USP2: variants seen among roughly 807,000 people sequenced by gnomAD.
USP2 encodes ubiquitin specific peptidase 2.
In USP2, 33 loss-of-function variants were observed where a neutral mutation model predicts 72.0. The observed-to-expected ratio is 0.46, with a 90% CI of 0.35 to 0.61. The LOEUF (loss-of-function observed/expected upper bound fraction) is 0.61. Among genes scored for constraint, USP2 ranks in the 20% least tolerant of loss-of-function variants. USP2 has a pLI of 0.01. For synonymous variants in USP2, 296 were observed against 312.5 expected, an observed-to-expected ratio of 0.95 and a Z score of 0.56; for missense variants, 691 against 797.8, an observed-to-expected ratio of 0.87 and a Z score of 1.61.
intron 1 of USP2, chr11:119,376,155 T>C: frequency 1.0e-6 from 1 of 985,096 alleles, no homozygotes; most frequent in Non-Finnish European, 1.2e-6. Context: ...CAACCCCCAG[T>C]TTCACTCTCA....
chr11:119,360,317 G>C, intron 2 of USP2, 83 bp from the exon 3 acceptor site: 1 of 1,427,302 alleles, frequency 7.0e-7, no homozygotes, highest in Non-Finnish European at 9.8e-7. Flanking sequence ...TTTCTAACCA[G>C]CTGGAGCCAC....
rs764137919 is a variant in USP2 at position 119,358,797 on chromosome 11, C to G, written c.1213G>C (p.Glu405Gln). 6.2e-7 allele frequency: 1 copy of G among 1,614,104 alleles called. No individual in the cohort carries two copies. Among genetic ancestry groups the G allele is most frequent in the African/African-American group, 1.3e-5 (1 of 75,050 alleles). ...KGRQMWRKYL[E>Q]REDSRIGDLF... is the part of the protein sequence containing the mutation. Reference sequence around the variant, plus strand: ...CCCCCGATCCTACTGTCTTCCCGTTCTAGATATTTTCTCCACATCTGTCGG... The same window carrying G: ...CCCCCGATCCTACTGTCTTCCCGTTGTAGATATTTTCTCCACATCTGTCGG... Residue 405 changes from glutamate (E) to glutamine (Q), a missense_variant, in exon 7 of 13, where the codon GAA becomes CAA. By Grantham distance (29) the Glu-to-Gln change is conservative. Coordinates refer to ENST00000260187, the MANE Select transcript of USP2 (RefSeq NM_004205.5).
intron 2 of USP2, among the ~76,000 whole-genome samples, chr11:119,368,636 CT>C (rs1303527756): frequency 6.6e-6 from 1 of 152,210 alleles, no homozygotes; most frequent in Non-Finnish European, 1.5e-5. Flanking sequence ...TTTCCCAGAC[CT>C]TTTGCTCCTA....
intron 2 of USP2, 44 bp from the exon 3 acceptor site, chr11:119,360,278 C>G (rs1201665591): frequency 6.2e-7 from 1 of 1,603,920 alleles, no homozygotes; most frequent in Non-Finnish European, 8.5e-7. Context: ...AGCAAAGATG[C>G]TAGGCCTGTG....
chr11:119,375,372 C>T (rs1176234227), intron 1 of USP2, among the ~76,000 whole-genome samples: 1 of 152,192 alleles, frequency 6.6e-6, no homozygotes, highest in Non-Finnish European at 1.5e-5. Context: ...GTTTTCAGTC[C>T]AGGCTGACAT....
chr11:119,364,116 GT>G (rs1184303971), intron 2 of USP2: 1 of 1,224,672 alleles, frequency 8.2e-7, no homozygotes, highest in East Asian at 3.2e-5. Context: ...ACAGGACAGC[GT>G]CCGCGGCGCC....
At chr11:119,357,159 G>A (rs770026492) in intron 12 of USP2, 28 bp downstream of exon 12, 2 of 1,612,038 alleles carry the variant, frequency 1.2e-6, no homozygotes, top group Admixed American at 1.7e-5. Flanking sequence ...GCTACAGCCA[G>A]GGGCTCCGGC....
intron 7 of USP2, 57 bp from the exon 8 acceptor site, chr11:119,358,309 G>T: frequency 6.6e-7 from 1 of 1,505,196 alleles, no homozygotes; most frequent in Non-Finnish European, 9.1e-7. Context: ...ATGGTCTTCT[G>T]CACAGCAGCT....
chr11:119,373,415 A>T lies in USP2; in HGVS notation c.66T>A (p.Tyr22Ter), dbSNP rs1462648006. ...TGTAGGCACCATAGCCCGACTTGGC[A>T]TAGTGGGCATCTGTGTAGCGGGCCG... ...TESARYTDAH[Y>*]AKSGYGAYTP... The change falls in exon 2 of 13, where the codon TAT (tyrosine) becomes TAA (stop). Residue 22 changes from tyrosine to a stop codon, truncating the protein, a stop_gained. Transcript: ENST00000260187. LOFTEE classifies it high-confidence loss of function. 1.2e-6 allele frequency: 2 copies of T among 1,605,208 alleles called. No homozygotes were observed. Among genetic ancestry groups the T allele is most frequent in the Non-Finnish European group, 1.7e-6 (2 of 1,179,834 alleles).
At chr11:119,380,539 C>G (rs1408307709) in intron 1 of USP2, among the ~76,000 whole-genome samples, 1 of 152,076 alleles carries the variant, frequency 6.6e-6, no homozygotes, top group South Asian at 2.1e-4. Context: ...GCCTCTCTGG[C>G]CTTGGTGCAC....
In USP2 at chr11:119,356,639, C is replaced by T; in HGVS notation, c.*196G>A. ...TCCACGTCCAGGCGATCTTCCCTGC[C>T]GGGCCACAGCTCAGGAAAGCCCGGC... On this transcript the variant is annotated 3_prime_UTR_variant, in exon 13 of 13. Transcript: ENST00000260187. 1.7e-6 allele frequency: 1 copy of T among 580,338 alleles called. No individual in the cohort carries two copies. Among genetic ancestry groups the T allele is most frequent in the South Asian group, 2.3e-5 (1 of 43,940 alleles). 35.9% of individuals were successfully genotyped at this position (580,338 alleles called of 1,614,324 possible). A position where few individuals can be genotyped will look rare whatever the true frequency, so the allele number is the denominator to read the frequency against.
At chr11:119,357,106 G>T (rs1850615911) in intron 12 of USP2, 81 bp downstream of exon 12, 2 of 1,384,070 alleles carry the variant, frequency 1.4e-6, no homozygotes, top group African/African-American at 1.5e-5. Flanking sequence ...TGGGAGGGGG[G>T]TGGGTTTGGG....
intron 2 of USP2, among the ~76,000 whole-genome samples, chr11:119,362,669 A>G (rs75193504): frequency 0.011 from 1,689 of 151,986 alleles, 38 homozygotes; most frequent in African/African-American, 0.039. Context: ...CTTACAGGAC[A>G]AACAATCCTA....
chr11:119,361,989 G>A lies in USP2; in HGVS notation c.775-1755C>T, dbSNP rs113505988. ...AACGCTGCAAAAGTCTCCATGTTGC[G>A]CACTCGGAACTAAATGTTAAAGCTT... On this transcript the variant is annotated intron_variant, in intron 2 of 12. Coordinates refer to ENST00000260187, the MANE Select transcript of USP2 (RefSeq NM_004205.5). Among the ~76,000 whole-genome samples, 1,354 of 152,284 alleles carry A rather than the reference G, an allele frequency of 8.9e-3. 22 individuals are homozygous for A. Among genetic ancestry groups the A allele is most frequent in the African/African-American group, 0.031 (1,282 of 41,554 alleles).
chr11:119,379,808 A>G, intron 1 of USP2, among the ~76,000 whole-genome samples: 1 of 152,130 alleles, frequency 6.6e-6, no homozygotes. Flanking sequence ...ATTATATTGA[A>G]TACTTCCACT....
At chr11:119,374,334 G>A (rs1459252418) in intron 1 of USP2, among the ~76,000 whole-genome samples, 1 of 152,138 alleles carries the variant, frequency 6.6e-6, no homozygotes, top group African/African-American at 2.4e-5. Flanking sequence ...TGTGCAAAGG[G>A]GGCCCCCTAC....
chr11:119,370,653 A>G (rs1024264748), intron 2 of USP2, among the ~76,000 whole-genome samples: 2 of 152,188 alleles, frequency 1.3e-5, no homozygotes, highest in Admixed American at 6.5e-5. Flanking sequence ...GTCTTGTACT[A>G]TTGACCCTGG....
chr11:119,372,723 G>C lies in USP2; in HGVS notation c.758C>G (p.Pro253Arg). 1 of 1,521,866 alleles carries C rather than the reference G, an allele frequency of 6.6e-7. No homozygotes were observed. The highest frequency in any genetic ancestry group is 2.3e-5 in the East Asian group (1 of 44,184). The allele number at this position is 1,521,866 out of a possible 1,614,324, so 94.3% of individuals were successfully genotyped here. A position where few individuals can be genotyped will look rare whatever the true frequency, so the allele number is the denominator to read the frequency against. The change falls in exon 2 of 13, where the codon CCG becomes CGG. Residue 253 changes from proline (P) to arginine (R), a missense_variant. Pro to Arg is a moderately radical substitution (Grantham distance 103). Coordinates refer to ENST00000260187, the MANE Select transcript of USP2 (RefSeq NM_004205.5). Reference protein sequence around the residue: ...QAPGPSRSSSPGRDGMNSKSA... With the variant: ...QAPGPSRSSSRGRDGMNSKSA... ...TAAACTCACCATGCCGTCTCTTCCC[G>C]GGGAGCTGGAGCGGCTGGGCCCAGG...
intron 2 of USP2, among the ~76,000 whole-genome samples, chr11:119,365,000 T>C (rs753393894): frequency 2.6e-5 from 4 of 152,218 alleles, no homozygotes; most frequent in Non-Finnish European, 5.9e-5. Flanking sequence ...GCGAGTGTTC[T>C]ACTCTGGCGT....
Sources: allele counts gnomAD v4.1 joint callset (sites outside exome capture counted in the v4.1 genomes callset), GRCh38; gene constraint gnomAD v4.1.1; transcripts MANE v1.5; gene names NCBI Gene and HGNC (gene_info 2026-07-23, HGNC 2026-07-21).